Variants in PRKD1 observed in about 807,000 individuals in gnomAD.
The protein encoded by PRKD1 is serine/threonine-protein kinase D1.
PRKD1 carries 63 observed loss-of-function variants against 95.9 expected under a neutral mutation model. The observed-to-expected ratio is 0.66, with a 90% confidence interval of 0.54 to 0.81. PRKD1 has a LOEUF of 0.81. Ranked by LOEUF, PRKD1 falls within the 30% of genes least tolerant of loss-of-function variation. The pLI is 0.00. For missense variants in PRKD1, 1,048 were observed against 1,165.3 expected (o/e 0.90, Z 1.47); for synonymous variants, 425 against 423.1 (o/e 1.00, Z -0.05).
chr14:29,904,984 T>C (rs1034300975), intron 1 of PRKD1, among the ~76,000 whole-genome samples: 2 of 152,186 alleles, frequency 1.3e-5, no homozygotes, highest in South Asian at 2.1e-4. Context: ...TTGGATGACA[T>C]TGCACTCTGA....
At chr14:29,832,256 C>A (rs1324805674) in intron 1 of PRKD1, among the ~76,000 whole-genome samples, 1 of 152,152 alleles carries the variant, frequency 6.6e-6, no homozygotes, top group Admixed American at 6.5e-5. Context: ...AACTCTTAAA[C>A]TTCTGTTGGT....
chr14:29,586,330 C>A (rs764872358), intron 16 of PRKD1, among the ~76,000 whole-genome samples: 1 of 152,162 alleles, frequency 6.6e-6, no homozygotes, highest in Non-Finnish European at 1.5e-5. Flanking sequence ...AATTGGATTA[C>A]ACAAATAATT....
At chr14:29,602,978 C>T (rs1029831136) in intron 13 of PRKD1, among the ~76,000 whole-genome samples, 4 of 152,200 alleles carry the variant, frequency 2.6e-5, no homozygotes, top group Admixed American at 2.6e-4. Context: ...TCTCTAATAG[C>T]ATCTTGATGT....
intron 1 of PRKD1, among the ~76,000 whole-genome samples, chr14:29,888,590 G>A (rs915815712): frequency 6.6e-6 from 1 of 152,082 alleles, no homozygotes; most frequent in East Asian, 1.9e-4. Context: ...AATCCGAAGT[G>A]GTACTTGAGG....
chr14:29,615,223 AATATTT>A (rs1331484436), intron 13 of PRKD1, among the ~76,000 whole-genome samples: 26 of 152,282 alleles, frequency 1.7e-4, no homozygotes, highest in African/African-American at 5.8e-4. Context: ...GAATGTCTAT[AATATTT>A]ATATTCTAAT....
rs1369153064 is a variant in PRKD1 at position 29,597,664 on chromosome 14, A to T, written c.2261T>A (p.Val754Asp). The change falls in exon 16 of 18, where the codon GTC becomes GAC. Residue 754 changes from valine to aspartate, a missense_variant. Val to Asp is a radical substitution (Grantham distance 152). Transcript: ENST00000331968. Reference protein sequence around the residue: ...VGTPAYLAPEVLRNKGYNRSL... With the variant: ...VGTPAYLAPEDLRNKGYNRSL... ...GCGATTGTAGCCCTTGTTCCTTAGG[A>T]CCTCAGGAGCCAGGTAAGCGGGGGT... The T allele has an allele frequency of 6.2e-7, 1 of 1,613,786 alleles. No homozygotes were observed. Among genetic ancestry groups the T allele is most frequent in the East Asian group, 2.2e-5 (1 of 44,862 alleles).
At chr14:29,713,772 A>G (rs776815772) in intron 2 of PRKD1, among the ~76,000 whole-genome samples, 12 of 152,124 alleles carry the variant, frequency 7.9e-5, no homozygotes, top group Non-Finnish European at 1.8e-4. Context: ...TGATTTTACA[A>G]AAGCCTTATG....
chr14:29,825,467 G>T (rs1244424072), intron 1 of PRKD1, among the ~76,000 whole-genome samples: 1 of 152,004 alleles, frequency 6.6e-6, no homozygotes, highest in Non-Finnish European at 1.5e-5. Context: ...CATGAAGCAG[G>T]AGAAATTCAC....
At chr14:29,903,886 T>A (rs983370532) in intron 1 of PRKD1, among the ~76,000 whole-genome samples, 6 of 152,122 alleles carry the variant, frequency 3.9e-5, no homozygotes, top group African/African-American at 1.2e-4. Flanking sequence ...ATCGTAAAAA[T>A]AAAGATACCA....
intron 13 of PRKD1, among the ~76,000 whole-genome samples, chr14:29,611,762 A>C (rs1485880048): frequency 6.6e-6 from 1 of 150,834 alleles, no homozygotes; most frequent in Non-Finnish European, 1.5e-5. Context: ...AAAAAAAAAC[A>C]AACGCTGGAA....
intron 13 of PRKD1, among the ~76,000 whole-genome samples, chr14:29,620,806 C>T (rs1313002127): frequency 6.6e-6 from 1 of 151,986 alleles, no homozygotes; most frequent in Non-Finnish European, 1.5e-5. Context: ...TACCATTTGA[C>T]CCAGCCATCC....
chr14:29,677,061 T>G (rs1184383692), intron 2 of PRKD1, among the ~76,000 whole-genome samples: 1 of 152,182 alleles, frequency 6.6e-6, no homozygotes, highest in African/African-American at 2.4e-5. Flanking sequence ...TGGACCCCAC[T>G]GCTCTAAAGA....
intron 13 of PRKD1, among the ~76,000 whole-genome samples, chr14:29,616,243 C>CAAAAAAAAAAAAAAAAAAA (rs72142312): frequency 2.9e-5 from 1 of 33,966 alleles, no homozygotes; most frequent in Non-Finnish European, 4.8e-5. Flanking sequence ...AGAGTATGGC[C>CAAAAAAAAAAAAAAAAAAA]AAAAAAAAAA....
intron 16 of PRKD1, among the ~76,000 whole-genome samples, chr14:29,584,859 AT>A (rs5807542): frequency 0.93 from 142,027 of 152,126 alleles, 66,660 homozygotes; most frequent in East Asian, 0.99. Flanking sequence ...TACAATGTGT[AT>A]TTTTTCAGGC....
intron 16 of PRKD1, among the ~76,000 whole-genome samples, chr14:29,596,191 AC>A (rs1053162607): frequency 6.6e-6 from 1 of 152,176 alleles, no homozygotes; most frequent in Non-Finnish European, 1.5e-5. Context: ...CAGTCTAATA[AC>A]TTAATTTCTC....
chr14:29,883,550 C>A (rs1252021700), intron 1 of PRKD1, among the ~76,000 whole-genome samples: 1 of 152,100 alleles, frequency 6.6e-6, no homozygotes, highest in Non-Finnish European at 1.5e-5. Flanking sequence ...CAAGTCTGTT[C>A]TAAAAATGCA....
At chr14:29,750,204 A>T (rs1013263350) in intron 1 of PRKD1, among the ~76,000 whole-genome samples, 28 of 152,222 alleles carry the variant, frequency 1.8e-4, no homozygotes, top group Non-Finnish European at 3.4e-4. Flanking sequence ...ATGAATTTTT[A>T]AAAAATACTA....
At chr14:29,685,411 A>G (rs142104183) in intron 2 of PRKD1, among the ~76,000 whole-genome samples, 92 of 152,352 alleles carry the variant, frequency 6.0e-4, no homozygotes, top group African/African-American at 2.2e-3. Flanking sequence ...GGGATAGAAT[A>G]GCACATTGAA....
chr14:29,793,916 A>G (rs1367696260), intron 1 of PRKD1, among the ~76,000 whole-genome samples: 1 of 152,116 alleles, frequency 6.6e-6, no homozygotes, highest in African/African-American at 2.4e-5. Context: ...GAACATAGCA[A>G]TTCATGAGCT....
Sources: allele counts gnomAD v4.1 joint callset (sites outside exome capture counted in the v4.1 genomes callset), GRCh38; gene constraint gnomAD v4.1.1; transcripts MANE v1.5; gene names NCBI Gene and HGNC (gene_info 2026-07-23, HGNC 2026-07-21).